The following HOXA3 variants were observed in gnomAD, a reference collection of about 807,000 sequenced individuals.
The protein encoded by HOXA3 is homeobox A3, also known as homeobox protein Hox-A3.
In HOXA3, 8 loss-of-function variants were observed where a neutral mutation model predicts 30.3. The observed-to-expected ratio is 0.26, with a 90% CI of 0.15 to 0.48. The LOEUF (loss-of-function observed/expected upper bound fraction) is 0.48. HOXA3 is among the 20% of genes least tolerant of loss of function. The probability of loss-of-function intolerance (pLI) is 0.99; values close to 1 mark genes in which losing one functional copy is unlikely to be tolerated. For synonymous variants in HOXA3, 323 were observed against 273.1 expected, an observed-to-expected ratio of 1.18 and a Z score of -1.80; for missense variants, 653 against 614.4, an observed-to-expected ratio of 1.06 and a Z score of -0.66.
rs756450304 is a variant in HOXA3, at chr7:27,110,210, G to A, written c.431C>T (p.Pro144Leu). 2.5e-6 allele frequency: 4 copies of A among 1,614,042 alleles called. No homozygotes were observed. The East Asian group carries it at 6.7e-5, about 27-fold the overall frequency. Residue 144 changes from proline to leucine, a missense_variant, in exon 5 of 6, where the codon CCC becomes CTC. Physicochemically the swap from Pro to Leu is moderately conservative, Grantham distance 98. Around this residue, in one of 3 missense-constraint regions of HOXA3, gnomAD observed 320 missense variants for 321.9 expected, o/e 0.99. Coordinates refer to ENST00000612286, the MANE Select transcript of HOXA3 (RefSeq NM_153631.3). ...GGCCACTGTGGGTGAGTTGAGCAGG[G>A]GGCTCTTGGCCGCGTTGGCAGGGGT... Reference protein sequence around the residue: ...NPTPANAAKSPLLNSPTVAKQ... With the variant: ...NPTPANAAKSLLLNSPTVAKQ...
intron 4 of HOXA3, among the ~76,000 whole-genome samples, chr7:27,119,000 C>T (rs537647658): frequency 3.3e-5 from 5 of 152,254 alleles, no homozygotes; most frequent in Non-Finnish European, 5.9e-5. Flanking sequence ...GTGGTGGGTC[C>T]GGGTTTTGCA....
intron 2 of HOXA3, chr7:27,130,662 C>T (rs1050271): frequency 1.2e-6 from 2 of 1,606,028 alleles, no homozygotes; most frequent in African/African-American, 1.3e-5. Context: ...CGCTGTGCTG[C>T]GCGTACTCCT....
intron 1 of HOXA3, chr7:27,143,525 C>T (rs755930788): frequency 1.9e-6 from 3 of 1,613,866 alleles, no homozygotes; most frequent in Non-Finnish European, 8.5e-7. Context: ...GCTCACGGAA[C>T]TATGATCTCC....
chr7:27,143,744 G>A, intron 1 of HOXA3: 1 of 1,415,528 alleles, frequency 7.1e-7, no homozygotes, highest in Non-Finnish European at 9.2e-7. Context: ...ACCCAAATAT[G>A]GGGTACGACT....
At chr7:27,129,166 CAGG>C in intron 2 of HOXA3, 3 of 1,020,946 alleles carry the variant, frequency 2.9e-6, no homozygotes, top group Non-Finnish European at 4.7e-6. Context: ...AGGAACGGAG[CAGG>C]AGAAGAGAAG....
At chr7:27,130,243 G>A (rs1785470703) in intron 2 of HOXA3, 1 of 1,283,738 alleles carries the variant, frequency 7.8e-7, no homozygotes, top group African/African-American at 1.6e-5. Flanking sequence ...CGGGACGCCT[G>A]GGGTGGCGGG....
chr7:27,129,318 A>AGAGGCC (rs552955092), intron 2 of HOXA3: 2 of 1,614,168 alleles, frequency 1.2e-6, no homozygotes, highest in Non-Finnish European at 1.7e-6. Context: ...GTGGGCCGGC[A>AGAGGCC]GAGGCCGAGG....
At position 27,108,732 on chromosome 7, in the gene HOXA3, G is replaced by A. The variant is rs780066205; in HGVS notation, c.527-12C>T. The A allele has an allele frequency of 2.5e-6, 4 of 1,572,774 alleles. No homozygotes were observed. The highest frequency in any genetic ancestry group is 1.2e-5 in the South Asian group (1 of 86,318). Reference sequence around the variant, plus strand: ...AGCGCAGCTTTCGCCTGCGAGGACAGAGAGAGGAAGAGCGGCGTCAGGGGC... The same window carrying A: ...AGCGCAGCTTTCGCCTGCGAGGACAAAGAGAGGAAGAGCGGCGTCAGGGGC... On this transcript the variant is annotated splice_polypyrimidine_tract_variant and intron_variant, in intron 5 of 5. Coordinates refer to ENST00000612286, the MANE Select transcript of HOXA3 (RefSeq NM_153631.3). This position sits in a 1 kb window ranked among gnomAD's most constrained non-coding sequence, Gnocchi z 5.0.
In HOXA3 at chr7:27,110,140, C is replaced by T; in HGVS notation, c.501G>A (p.Lys167=). The part of the protein sequence containing the change: ...PWMKESRQNT[K]QKTSSSSSGE... ...CTGAGCTGGAGCTGCTGGTTTTCTG[C>T]TTTGTGTTTTGTCGAGACTCTTTCA... Residue 167 remains lysine, a synonymous_variant, in exon 5 of 6, where the codon AAG becomes AAA. Coordinates refer to ENST00000612286, the MANE Select transcript of HOXA3 (RefSeq NM_153631.3). 6.2e-7 allele frequency: 1 copy of T among 1,614,154 alleles called. No homozygotes were observed. The highest frequency in any genetic ancestry group is 8.5e-7 in the Non-Finnish European group (1 of 1,180,030).
intron 2 of HOXA3, chr7:27,129,942 G>A: frequency 1.4e-6 from 1 of 696,898 alleles, no homozygotes; most frequent in Non-Finnish European, 2.4e-6. Context: ...GGGTTCTCAT[G>A]TTGGGATCAG....
intron 1 of HOXA3, chr7:27,142,645 C>G (rs1244825152): frequency 9.4e-6 from 2 of 211,916 alleles, no homozygotes; most frequent in African/African-American, 2.3e-5. Context: ...TAATTAGTAA[C>G]GCTGTTTCCC....
intron 4 of HOXA3, among the ~76,000 whole-genome samples, chr7:27,117,581 A>G (rs1200190995): frequency 6.6e-6 from 1 of 152,170 alleles, no homozygotes; most frequent in African/African-American, 2.4e-5. Context: ...ATGCTCTGCA[A>G]TCTGGCACTA....
intron 2 of HOXA3, among the ~76,000 whole-genome samples, chr7:27,134,892 T>C (rs1477893527): frequency 8.5e-5 from 13 of 152,192 alleles, no homozygotes; most frequent in Non-Finnish European, 8.8e-5. Context: ...ATTTCCAAAG[T>C]TAAAAAAGAA....
chr7:27,152,487 G>T lies in HOXA3; in HGVS notation c.-693C>A, dbSNP rs1454958467. 4 of 1,069,514 alleles carry T rather than the reference G, an allele frequency of 3.7e-6. No individual in the cohort carries two copies. The highest frequency in any genetic ancestry group is 4.7e-6 in the Non-Finnish European group (4 of 848,050). 66.3% of individuals were successfully genotyped at this position (1,069,514 alleles called of 1,614,324 possible). A position where few individuals can be genotyped will look rare whatever the true frequency, so the allele number is the denominator to read the frequency against. Reference sequence around the variant, plus strand: ...AGCCGCCAGGCCTGGCCTGGCCGGGGCTTCCCTTCGCTCGCCATCTCCGGA... The same window carrying T: ...AGCCGCCAGGCCTGGCCTGGCCGGGTCTTCCCTTCGCTCGCCATCTCCGGA... On this transcript the variant is annotated 5_prime_UTR_variant, in exon 1 of 6. Transcript: ENST00000612286.
At chr7:27,141,654 C>T (rs768855343) in intron 1 of HOXA3, 4 of 645,864 alleles carry the variant, frequency 6.2e-6, no homozygotes, top group Non-Finnish European at 1.0e-5. Context: ...GAACAGAAAG[C>T]AGATCTACTT....
At chr7:27,149,673 A>G (rs1215884084) in intron 1 of HOXA3, among the ~76,000 whole-genome samples, 3 of 152,280 alleles carry the variant, frequency 2.0e-5, no homozygotes, top group Non-Finnish European at 2.9e-5. Flanking sequence ...ATGAGAGGAT[A>G]GAATTGGGCA....
intron 4 of HOXA3, among the ~76,000 whole-genome samples, chr7:27,115,002 C>T (rs1441524142): frequency 6.7e-6 from 1 of 148,186 alleles, no homozygotes; most frequent in East Asian, 2.0e-4. Flanking sequence ...CCTAAAGCCT[C>T]CTTTGCTCCC....
chr7:27,137,478 C>T (rs920272858), intron 2 of HOXA3, among the ~76,000 whole-genome samples: 2 of 152,166 alleles, frequency 1.3e-5, no homozygotes, highest in African/African-American at 4.8e-5. Flanking sequence ...TCATAAAGCC[C>T]TCAGTGACAG....
intron 1 of HOXA3, chr7:27,141,168 C>A (rs1276720900): frequency 1.5e-5 from 2 of 137,058 alleles, no homozygotes; most frequent in Non-Finnish European, 3.1e-5. Flanking sequence ...AACAGCCAGA[C>A]TTGGACAATA....
Sources: allele counts gnomAD v4.1 joint callset (sites outside exome capture counted in the v4.1 genomes callset), GRCh38; gene constraint gnomAD v4.1.1; regional missense constraint gnomAD v4.1.1; non-coding constraint Gnocchi (gnomAD v3.1); transcripts MANE v1.5; gene names NCBI Gene and HGNC (gene_info 2026-07-23, HGNC 2026-07-21).